The following CADPS variants were observed in gnomAD, a reference collection of about 807,000 sequenced individuals.
CADPS encodes calcium dependent secretion activator, also known as calcium-dependent secretion activator 1.
A neutral mutation model predicts 167.3 loss-of-function variants in CADPS; 57 were observed. The ratio of observed to expected loss-of-function variants is 0.34; its 90% CI spans 0.28 to 0.42. The LOEUF (loss-of-function observed/expected upper bound fraction) is 0.42. CADPS is among the 20% of genes least tolerant of loss of function. CADPS has a pLI of 1.00. For synonymous variants in CADPS, 676 were observed against 635.3 expected (o/e 1.06, Z -0.96); for missense variants, 1,414 against 1,738.1 (o/e 0.81, Z 3.32).
chr3:62,542,763 G>A (rs1048665058), intron 11 of CADPS, among the ~76,000 whole-genome samples: 3 of 152,144 alleles, frequency 2.0e-5, no homozygotes, highest in African/African-American at 4.8e-5. Flanking sequence ...AAAAGGATAA[G>A]TGTGTGATGT....
At chr3:62,474,463 T>C in intron 23 of CADPS, 143 bp from the exon 24 acceptor site, 1 of 723,134 alleles carries the variant, frequency 1.4e-6, no homozygotes, top group Non-Finnish European at 2.3e-6. Context: ...TGTTCCCTTT[T>C]AAATGACTTT....
intron 6 of CADPS, 124 bp downstream of exon 6, chr3:62,645,598 A>G (rs1421125451): frequency 1.9e-6 from 2 of 1,048,582 alleles, no homozygotes; most frequent in Non-Finnish European, 2.7e-6. Context: ...TTGTTTGAAA[A>G]ATAAACAAGG....
At chr3:62,809,151 G>C (rs535259793) in intron 1 of CADPS, among the ~76,000 whole-genome samples, 10 of 152,178 alleles carry the variant, frequency 6.6e-5, no homozygotes, top group African/African-American at 2.4e-4. Context: ...CAATTGTCAT[G>C]TTTCCTCATT....
intron 1 of CADPS, among the ~76,000 whole-genome samples, chr3:62,807,156 G>C (rs1303349258): frequency 6.6e-6 from 1 of 152,038 alleles, no homozygotes; most frequent in African/African-American, 2.4e-5. Context: ...TAAATGTCTT[G>C]ATTACAAACA....
At chr3:62,822,294 T>C (rs538730178) in intron 1 of CADPS, among the ~76,000 whole-genome samples, 9 of 152,184 alleles carry the variant, frequency 5.9e-5, no homozygotes, top group Non-Finnish European at 1.3e-4. Context: ...TCACCCTTGA[T>C]CTTTTTCACC....
chr3:62,848,158 C>A (rs2077845549), intron 1 of CADPS, among the ~76,000 whole-genome samples: 1 of 144,244 alleles, frequency 6.9e-6, no homozygotes, highest in African/African-American at 2.8e-5. Flanking sequence ...TGTTTGAGTT[C>A]ATTGTAGATT....
At chr3:62,810,671 T>G (rs923097680) in intron 1 of CADPS, among the ~76,000 whole-genome samples, 3 of 152,228 alleles carry the variant, frequency 2.0e-5, no homozygotes, top group African/African-American at 7.2e-5. Context: ...CTTTGCATGC[T>G]AAGTCATAGA....
At chr3:62,731,724 C>T (rs13096260) in intron 3 of CADPS, among the ~76,000 whole-genome samples, 12,306 of 143,532 alleles carry the variant, frequency 0.086, 606 homozygotes, top group Non-Finnish European at 0.12. Flanking sequence ...ATGTAAGGCA[C>T]TGGTGAATGA....
At position 62,544,891 on chromosome 3, in the gene CADPS, C is replaced by A; in HGVS notation, c.1966+5012G>T. The A allele has an allele frequency of 8.2e-7, 1 of 1,226,058 alleles. No homozygotes were observed. The highest frequency in any genetic ancestry group is 1.0e-6 in the Non-Finnish European group (1 of 956,480). 75.9% of individuals were successfully genotyped at this position (1,226,058 alleles called of 1,614,324 possible). On this transcript the variant is annotated intron_variant, in intron 11 of 29. Coordinates refer to ENST00000383710, the MANE Select transcript of CADPS (RefSeq NM_003716.4). The surrounding 1 kb of genome is among the most constrained non-coding windows in gnomAD (Gnocchi z 4.4). ...GTTAGCAGGGTAAGAAGGAACAAAC[C>A]AGAATAACATAAAGACTAGCAACAA...
chr3:62,559,345 A>G (rs561014801), intron 9 of CADPS, among the ~76,000 whole-genome samples: 43 of 152,326 alleles, frequency 2.8e-4, no homozygotes, highest in African/African-American at 9.1e-4. Context: ...CATACAATCC[A>G]ATAAAGAGGT....
At chr3:62,628,495 G>A (rs915489227) in intron 6 of CADPS, among the ~76,000 whole-genome samples, 2 of 151,956 alleles carry the variant, frequency 1.3e-5, no homozygotes, top group African/African-American at 4.8e-5. Flanking sequence ...TTAATAACCT[G>A]CTCTTTTGCA....
At chr3:62,640,669 T>C (rs2067234174) in intron 6 of CADPS, among the ~76,000 whole-genome samples, 2 of 152,210 alleles carry the variant, frequency 1.3e-5, no homozygotes, top group South Asian at 2.1e-4. Flanking sequence ...GCCCATGGCC[T>C]GTCAGGGAGT....
intron 28 of CADPS, among the ~76,000 whole-genome samples, chr3:62,406,212 G>C (rs981619762): frequency 3.3e-5 from 5 of 152,200 alleles, no homozygotes; most frequent in Non-Finnish European, 4.4e-5. Flanking sequence ...GGCCTTCGTG[G>C]GGGATTTTTT....
At chr3:62,401,971 C>G (rs1706381138) in intron 29 of CADPS, among the ~76,000 whole-genome samples, 1 of 150,928 alleles carries the variant, frequency 6.6e-6, no homozygotes, top group African/African-American at 2.5e-5. Context: ...CAGGCGACCA[C>G]TTGACGATTG....
chr3:62,661,943 G>GAGTAAATAT (rs2073328462), intron 4 of CADPS, among the ~76,000 whole-genome samples: 1 of 152,152 alleles, frequency 6.6e-6, no homozygotes, highest in South Asian at 2.1e-4. Context: ...AAGAGAAGAG[G>GAGTAAATAT]AGTAAATATA....
At chr3:62,729,818 T>C (rs976029055) in intron 3 of CADPS, among the ~76,000 whole-genome samples, 1 of 151,768 alleles carries the variant, frequency 6.6e-6, no homozygotes, top group Non-Finnish European at 1.5e-5. Context: ...TTTGCATCTG[T>C]GGTGGCCATT....
intron 1 of CADPS, among the ~76,000 whole-genome samples, chr3:62,770,747 C>G (rs304192): frequency 0.95 from 144,636 of 152,290 alleles, 68,769 homozygotes; most frequent in East Asian, 1. Flanking sequence ...TTCTCACAAA[C>G]TAAACTTTTC....
chr3:62,859,136 A>C (rs111245944), intron 1 of CADPS, among the ~76,000 whole-genome samples: 2 of 152,166 alleles, frequency 1.3e-5, no homozygotes, highest in Admixed American at 1.3e-4. Flanking sequence ...CTGCATCACA[A>C]ATCTCCCTAA....
At chr3:62,695,467 G>C (rs2080089990) in intron 3 of CADPS, among the ~76,000 whole-genome samples, 1 of 151,956 alleles carries the variant, frequency 6.6e-6, no homozygotes, top group Non-Finnish European at 1.5e-5. Context: ...TCCATATCTA[G>C]GAAAGATAAA....
Sources: allele counts gnomAD v4.1 joint callset (sites outside exome capture counted in the v4.1 genomes callset), GRCh38; gene constraint gnomAD v4.1.1; non-coding constraint Gnocchi (gnomAD v3.1); transcripts MANE v1.5; gene names NCBI Gene and HGNC (gene_info 2026-07-23, HGNC 2026-07-21).